The following RORA variants were observed in gnomAD, a reference collection of about 807,000 sequenced individuals.
The protein encoded by RORA is RAR related orphan receptor A, also known as nuclear receptor ROR-alpha.
Under a neutral mutation model 69.5 loss-of-function variants are expected in RORA, and 7 were observed. The ratio of observed to expected loss-of-function variants is 0.10; its 90% CI spans 0.06 to 0.19. The LOEUF (loss-of-function observed/expected upper bound fraction) is 0.19, where lower values mean the gene tolerates loss of function less well. RORA is among the 10% of genes least tolerant of loss of function. RORA has a pLI of 1.00. For synonymous variants in RORA, 261 were observed against 240.8 expected (o/e 1.08, Z -0.78); for missense variants, 457 against 663.0 (o/e 0.69, Z 3.41).
intron 1 of RORA, among the ~76,000 whole-genome samples, chr15:60,921,765 C>T (rs576988317): frequency 6.6e-6 from 1 of 152,230 alleles, no homozygotes; most frequent in Non-Finnish European, 1.5e-5. Context: ...GCTACATCTT[C>T]CTCATCTGCG....
chr15:60,827,772 G>T (rs906311816), intron 1 of RORA, among the ~76,000 whole-genome samples: 1 of 152,150 alleles, frequency 6.6e-6, no homozygotes, highest in African/African-American at 2.4e-5. Flanking sequence ...CGTGAGCCTG[G>T]GGCTGCTGAT....
At chr15:60,533,636 G>C (rs918925963) in intron 2 of RORA, among the ~76,000 whole-genome samples, 10 of 152,204 alleles carry the variant, frequency 6.6e-5, no homozygotes, top group Admixed American at 6.5e-4. Context: ...GAAAAGCCAA[G>C]TGGAAGTAGA....
intron 1 of RORA, among the ~76,000 whole-genome samples, chr15:60,945,024 C>A (rs1189424467): frequency 6.6e-6 from 1 of 152,164 alleles, no homozygotes; most frequent in Non-Finnish European, 1.5e-5. Flanking sequence ...ACAAACAGCC[C>A]ACTTTGGTTT....
intron 2 of RORA, among the ~76,000 whole-genome samples, chr15:60,604,636 T>C (rs1308722774): frequency 6.6e-6 from 1 of 152,208 alleles, no homozygotes; most frequent in Non-Finnish European, 1.5e-5. Context: ...GTGCCTGGCA[T>C]ACATAGATGT....
In RORA at chr15:60,863,063, T is replaced by G. The variant is rs373950635; in HGVS notation, c.167-184377A>C. On this transcript the variant is annotated intron_variant, in intron 1 of 10. Transcript: ENST00000335670. The stretch of plus-strand genomic sequence containing the variant: ...AAAATGGGCTGTCTTCCCCTTATCA[T>G]CTTCATGATTAGCTTGTAAACAGTT... 2.7e-4 allele frequency among the ~76,000 whole-genome samples: 41 copies of G among 152,354 alleles called. 1 individual carries two copies. In the South Asian group the frequency reaches 8.5e-3, roughly 32 times the overall value.
At chr15:61,132,026 T>TTCCC (rs2079194293) in intron 1 of RORA, among the ~76,000 whole-genome samples, 1 of 152,190 alleles carries the variant, frequency 6.6e-6, no homozygotes, top group Non-Finnish European at 1.5e-5. Flanking sequence ...CACTTTCTCC[T>TTCCC]TCCCTCCCTC....
At chr15:60,926,906 A>G (rs1296449952) in intron 1 of RORA, among the ~76,000 whole-genome samples, 2 of 152,204 alleles carry the variant, frequency 1.3e-5, no homozygotes, top group Non-Finnish European at 2.9e-5. Context: ...GACTGGAAGG[A>G]TCCTCATGGA....
chr15:60,805,939 T>C (rs1246143087), intron 1 of RORA, among the ~76,000 whole-genome samples: 1 of 152,186 alleles, frequency 6.6e-6, no homozygotes, highest in Non-Finnish European at 1.5e-5. Flanking sequence ...AAATCTCAGG[T>C]GTTCAGGAGC....
chr15:60,868,417 A>C (rs770730352), intron 1 of RORA, among the ~76,000 whole-genome samples: 9 of 152,202 alleles, frequency 5.9e-5, no homozygotes, highest in Non-Finnish European at 1.2e-4. Context: ...ACATTTGAAA[A>C]AAGTAGCCTT....
At chr15:61,004,057 G>A (rs370937377) in intron 1 of RORA, among the ~76,000 whole-genome samples, 4 of 152,046 alleles carry the variant, frequency 2.6e-5, no homozygotes, top group South Asian at 4.2e-4. Flanking sequence ...CTAAAGACAC[G>A]CCACAGGGAG....
At position 61,229,195 on chromosome 15, in the gene RORA, G is replaced by A. The variant is rs775784471; in HGVS notation, c.24C>T (p.Pro8=). ...TGCCTGGCTCGCTGGCGGCGGGGTC[G>A]GGGGCTGCCGGAGCTGACTCCATGT... is the stretch of plus-strand genomic sequence containing the variant. MESAPAA[P]DPAASEPGSS... Residue 8 remains proline (P), a synonymous_variant, in exon 1 of 11, where the codon CCC becomes CCT. Transcript: ENST00000335670. The A allele has an allele frequency of 1.9e-6, 3 of 1,545,902 alleles. No individual in the cohort carries two copies. The highest frequency in any genetic ancestry group is 2.4e-5 in the East Asian group (1 of 41,112).
intron 1 of RORA, among the ~76,000 whole-genome samples, chr15:60,726,464 G>A (rs768072739): frequency 1.3e-5 from 2 of 152,180 alleles, no homozygotes; most frequent in South Asian, 4.1e-4. Context: ...ACAGCACAGG[G>A]CACAAACAGA....
At chr15:60,806,714 C>G (rs2072664618) in intron 1 of RORA, among the ~76,000 whole-genome samples, 2 of 152,152 alleles carry the variant, frequency 1.3e-5, no homozygotes, top group South Asian at 4.1e-4. Context: ...GAGTTAAGGA[C>G]CAGTAGGTTA....
chr15:61,152,052 C>T (rs1596030050), intron 1 of RORA, among the ~76,000 whole-genome samples: 1 of 152,182 alleles, frequency 6.6e-6, no homozygotes, highest in Non-Finnish European at 1.5e-5. Flanking sequence ...TCATTCTCCG[C>T]AGCTCAATAG....
chr15:61,125,219 C>T (rs2079133309), intron 1 of RORA, among the ~76,000 whole-genome samples: 1 of 152,130 alleles, frequency 6.6e-6, no homozygotes, highest in South Asian at 2.1e-4. Context: ...GTAAAAAGTG[C>T]ATCTTGTGAG....
At chr15:61,030,439 T>C (rs1896101362) in intron 1 of RORA, among the ~76,000 whole-genome samples, 2 of 152,170 alleles carry the variant, frequency 1.3e-5, no homozygotes, top group Admixed American at 1.3e-4. Flanking sequence ...AAAATTAAGT[T>C]TATCTGTACT....
At chr15:60,852,005 A>C (rs1003954361) in intron 1 of RORA, among the ~76,000 whole-genome samples, 2 of 152,160 alleles carry the variant, frequency 1.3e-5, no homozygotes, top group Non-Finnish European at 2.9e-5. Flanking sequence ...TAAAGTATTT[A>C]CTGAGCGAGC....
At chr15:61,009,509 G>T (rs1895023953) in intron 1 of RORA, among the ~76,000 whole-genome samples, 1 of 152,126 alleles carries the variant, frequency 6.6e-6, no homozygotes, top group Admixed American at 6.5e-5. Context: ...GAAAGACATG[G>T]GGCATAGACT....
In RORA at chr15:60,497,404, G is replaced by T. The variant is rs1023078536; in HGVS notation, c.*51C>A. 3 of 1,560,434 alleles carry T rather than the reference G, an allele frequency of 1.9e-6. No homozygotes were observed. Among genetic ancestry groups the T allele is most frequent in the Admixed American group, 3.4e-5 (2 of 58,414 alleles). On this transcript the variant is annotated 3_prime_UTR_variant, in exon 11 of 11. Transcript: ENST00000335670. ...AGTGTCTCGGTTAATTTTTTTGTTTGTTTTTCATGTTTGTACTTCAGACAT... is the reference window on the plus strand; with the variant it reads ...AGTGTCTCGGTTAATTTTTTTGTTTTTTTTTCATGTTTGTACTTCAGACAT...
Sources: allele counts gnomAD v4.1 joint callset (sites outside exome capture counted in the v4.1 genomes callset), GRCh38; gene constraint gnomAD v4.1.1; transcripts MANE v1.5; gene names NCBI Gene and HGNC (gene_info 2026-07-23, HGNC 2026-07-21).